FFAR4: variants seen among roughly 807,000 people sequenced by gnomAD.
The protein encoded by FFAR4 is G-protein coupled receptor 120.
A neutral mutation model predicts 27.0 loss-of-function variants in FFAR4; 19 were observed. The ratio of observed to expected loss-of-function variants is 0.70; its 90% CI spans 0.49 to 1.03. The LOEUF is 1.03. FFAR4 is among the 50% of genes least tolerant of loss of function. FFAR4 has a pLI of 0.00. For missense variants in FFAR4, 476 were observed against 479.0 expected, an observed-to-expected ratio of 0.99 and a Z score of 0.06; for synonymous variants, 254 against 215.6, an observed-to-expected ratio of 1.18 and a Z score of -1.56.
chr10:93,567,350 C>A, intron 1 of FFAR4, 63 bp downstream of exon 1: 2 of 1,436,628 alleles, frequency 1.4e-6, no homozygotes, highest in Non-Finnish European at 1.9e-6. Context: ...GGGGCCCCGA[C>A]GGAAGCTGGG....
chr10:93,566,992 C>G lies in FFAR4; in HGVS notation c.272C>G (p.Ala91Gly). The G allele has an allele frequency of 6.2e-7, 1 of 1,612,012 alleles. No individual in the cohort carries two copies. Among genetic ancestry groups the G allele is most frequent in the East Asian group, 2.2e-5 (1 of 44,850 alleles). ...LFCADLLFIS[A>G]IPLVLAVRWT... ...TGCGCGGACCTGCTCTTCATCAGCG[C>G]TATCCCTCTGGTGCTGGCCGTGCGC... is the stretch of plus-strand genomic sequence containing the variant. Residue 91 changes from alanine to glycine, a missense_variant, in exon 1 of 3, where the codon GCT (alanine) becomes GGT (glycine). Coordinates refer to ENST00000371481, the MANE Select transcript of FFAR4 (RefSeq NM_001195755.2).
At chr10:93,579,496 CAA>C (rs1186345209) in intron 2 of FFAR4, among the ~76,000 whole-genome samples, 1 of 152,162 alleles carries the variant, frequency 6.6e-6, no homozygotes, top group African/African-American at 2.4e-5. Flanking sequence ...AGCTCTTCAC[CAA>C]AAAGTCTTCC....
chr10:93,571,840 G>C (rs2058133546), intron 1 of FFAR4, among the ~76,000 whole-genome samples: 1 of 152,148 alleles, frequency 6.6e-6, no homozygotes, highest in African/African-American at 2.4e-5. Flanking sequence ...GCAGAGGTGA[G>C]ACACAGGAAC....
In FFAR4 at chr10:93,587,785, C is replaced by T. The variant is rs2058238277; in HGVS notation, c.*176C>T. ...ATCACCAAGTTTCATAATATTTTCC[C>T]TTTATAAAAGGATTTGTTGGCCAGG... On this transcript the variant is annotated 3_prime_UTR_variant, in exon 3 of 3. Coordinates refer to ENST00000371481, the MANE Select transcript of FFAR4 (RefSeq NM_001195755.2). 3.1e-6 allele frequency: 2 copies of T among 650,962 alleles called. No individual in the cohort carries two copies. Among genetic ancestry groups the T allele is most frequent in the East Asian group, 5.6e-5 (2 of 35,524 alleles). 40.3% of individuals were successfully genotyped at this position (650,962 alleles called of 1,614,324 possible).
intron 1 of FFAR4, among the ~76,000 whole-genome samples, chr10:93,567,551 G>T (rs902771310): frequency 6.6e-6 from 1 of 152,220 alleles, no homozygotes; most frequent in Non-Finnish European, 1.5e-5. Flanking sequence ...TAATTAACGA[G>T]TAGTTTAGGA....
chr10:93,584,157 C>G (rs1329214371), intron 2 of FFAR4, among the ~76,000 whole-genome samples: 1 of 152,240 alleles, frequency 6.6e-6, no homozygotes, highest in East Asian at 1.9e-4. Context: ...AACACAAGTT[C>G]TAGTTTTGAT....
chr10:93,578,914 C>T (rs1158605300), intron 2 of FFAR4, among the ~76,000 whole-genome samples: 4 of 152,174 alleles, frequency 2.6e-5, no homozygotes, highest in Non-Finnish European at 4.4e-5. Flanking sequence ...GTTCCTTAGG[C>T]GCCAAGAGGG....
At chr10:93,587,161 C>A in intron 2 of FFAR4, 59 bp from the exon 3 acceptor site, 4 of 1,504,200 alleles carry the variant, frequency 2.7e-6, no homozygotes, top group South Asian at 1.3e-5. Context: ...GCCCCTAACT[C>A]AAAATCCCCA....
intron 1 of FFAR4, among the ~76,000 whole-genome samples, chr10:93,568,501 AAAGAGGGACCTTCG>A (rs569092570): frequency 1.3e-5 from 2 of 152,126 alleles, no homozygotes; most frequent in Non-Finnish European, 2.9e-5. Flanking sequence ...TCACGGTCCC[AAAGAGGGACCTTCG>A]AAGTGGTCAG....
At chr10:93,567,592 CCAAA>C (rs2058106679) in intron 1 of FFAR4, among the ~76,000 whole-genome samples, 1 of 152,146 alleles carries the variant, frequency 6.6e-6, no homozygotes, top group Admixed American at 6.6e-5. Context: ...TGCAGGGTGG[CCAAA>C]CACTTTGTAT....
Position 93,576,186 on chromosome 10 carries a change from G to A in FFAR4, c.663G>A (p.Leu221=), listed in dbSNP as rs1564783257. ...FVTLNFLVPG[L]VIVISYSKIL... ...CTTTGAACTTCTTGGTGCCAGGACT[G>A]GTCATTGTGATCAGTTACTCCAAAA... Residue 221 remains leucine (L), a synonymous_variant, in exon 2 of 3, where the codon CTG becomes CTA. Transcript: ENST00000371481. The A allele has an allele frequency of 6.2e-7, 1 of 1,614,040 alleles. No homozygotes were observed. The highest frequency in any genetic ancestry group is 8.5e-7 in the Non-Finnish European group (1 of 1,179,928).
intron 2 of FFAR4, among the ~76,000 whole-genome samples, chr10:93,586,262 A>G (rs886445253): frequency 6.6e-6 from 1 of 152,102 alleles, no homozygotes; most frequent in African/African-American, 2.4e-5. Flanking sequence ...ATGGTTTTAT[A>G]AGGGTCTCCC....
intron 1 of FFAR4, among the ~76,000 whole-genome samples, chr10:93,568,495 G>A (rs1445090835): frequency 3.9e-5 from 6 of 152,132 alleles, no homozygotes; most frequent in Non-Finnish European, 8.8e-5. Flanking sequence ...CAGGAATCAC[G>A]GTCCCAAAGA....
At chr10:93,581,268 T>C (rs1267147294) in intron 2 of FFAR4, among the ~76,000 whole-genome samples, 1 of 152,202 alleles carries the variant, frequency 6.6e-6, no homozygotes, top group African/African-American at 2.4e-5. Flanking sequence ...CCGCTGAACA[T>C]GAGGGTGTTA....
chr10:93,586,583 C>T (rs11187533), intron 2 of FFAR4, among the ~76,000 whole-genome samples: 44,446 of 152,046 alleles, frequency 0.29, 6,873 homozygotes, highest in African/African-American at 0.37. Context: ...CCACCATTTA[C>T]AGAAGATAAC....
chr10:93,580,347 T>C (rs1488402208), intron 2 of FFAR4, among the ~76,000 whole-genome samples: 1 of 152,232 alleles, frequency 6.6e-6, no homozygotes, highest in Non-Finnish European at 1.5e-5. Context: ...ACTTCTCACC[T>C]GTCACTAGTT....
At chr10:93,569,262 G>A (rs2058118416) in intron 1 of FFAR4, among the ~76,000 whole-genome samples, 1 of 152,164 alleles carries the variant, frequency 6.6e-6, no homozygotes, top group Admixed American at 6.5e-5. Flanking sequence ...TTTCAGATGT[G>A]TATTTTGTGC....
At chr10:93,567,901 G>A (rs911323401) in intron 1 of FFAR4, among the ~76,000 whole-genome samples, 5 of 152,094 alleles carry the variant, frequency 3.3e-5, no homozygotes, top group African/African-American at 1.2e-4. Context: ...CCCTTCCGGG[G>A]TCTTCAGTTT....
chr10:93,582,992 T>A (rs1009258108), intron 2 of FFAR4, among the ~76,000 whole-genome samples: 5 of 152,100 alleles, frequency 3.3e-5, no homozygotes, highest in Non-Finnish European at 5.9e-5. Context: ...ACTGCCCCCA[T>A]GATCCAAACA....
Sources: allele counts gnomAD v4.1 joint callset (sites outside exome capture counted in the v4.1 genomes callset), GRCh38; gene constraint gnomAD v4.1.1; transcripts MANE v1.5; gene names NCBI Gene and HGNC (gene_info 2026-07-23, HGNC 2026-07-21).